SUCLG2: variants seen among roughly 807,000 people sequenced by gnomAD.
The protein encoded by SUCLG2 is succinate--CoA ligase [GDP-forming] subunit beta, mitochondrial.
SUCLG2 carries 42 observed loss-of-function variants against 47.9 expected under a neutral mutation model. That is an observed-to-expected ratio of 0.88 (90% confidence interval 0.69 to 1.14). The LOEUF (loss-of-function observed/expected upper bound fraction) is 1.14, where lower values mean the gene tolerates loss of function less well. SUCLG2 is among the 50% of genes most tolerant of loss of function. SUCLG2 has a pLI of 0.00. For missense variants in SUCLG2, 571 were observed against 525.9 expected (o/e 1.09, Z -0.84); for synonymous variants, 195 against 197.3 (o/e 0.99, Z 0.10).
At chr3:67,481,346 A>C (rs1361290642) in intron 9 of SUCLG2, among the ~76,000 whole-genome samples, 1 of 152,240 alleles carries the variant, frequency 6.6e-6, no homozygotes, top group African/African-American at 2.4e-5. Flanking sequence ...CACGTGGACC[A>C]GGACTTCTTG....
At chr3:67,378,937 A>G (rs560154661) in intron 10 of SUCLG2, among the ~76,000 whole-genome samples, 1 of 152,218 alleles carries the variant, frequency 6.6e-6, no homozygotes, top group African/African-American at 2.4e-5. Context: ...CAGAAGGTAA[A>G]TGACAGTTAC....
At position 67,374,858 on chromosome 3, in the gene SUCLG2, C is replaced by T. The variant is rs1194366425; in HGVS notation, c.*886G>A. ...AAAAAAACACATTCAAATAAGGTTC[C>T]CATCTTTCTACCATAAACTGGTAGA... On this transcript the variant is annotated 3_prime_UTR_variant, in exon 11 of 11. Transcript: ENST00000307227. 4 of 985,114 alleles carry T rather than the reference C, an allele frequency of 4.1e-6. No homozygotes were observed. The highest frequency in any genetic ancestry group is 1.1e-4 in the East Asian group (1 of 8,804). 61.0% of individuals were successfully genotyped at this position (985,114 alleles called of 1,614,324 possible).
intron 10 of SUCLG2, among the ~76,000 whole-genome samples, 170 bp downstream of exon 10, chr3:67,400,561 C>T (rs908420115): frequency 6.6e-6 from 1 of 151,864 alleles, no homozygotes; most frequent in Non-Finnish European, 1.5e-5. Context: ...AGCTAAAAGC[C>T]ACATTAGTTT....
rs942113931 is a variant in SUCLG2, at chr3:67,400,788, T to A, written c.1126A>T (p.Ile376Phe). The change falls in exon 10 of 11, where the codon ATC (isoleucine) becomes TTC (phenylalanine). Residue 376 changes from isoleucine to phenylalanine, a missense_variant. Ile to Phe is a conservative substitution (Grantham distance 21). Coordinates refer to ENST00000307227, the MANE Select transcript of SUCLG2 (RefSeq NM_003848.4). ...TCTAGCTCCCGGCAGGCTTTGGTGA[T>A]CCCATTGGCAATGATGGCACAGTTG... ...IVNCAIIANG[I>F]TKACRELELK... is the part of the protein sequence containing the mutation. 6.2e-7 allele frequency: 1 copy of A among 1,612,296 alleles called. No individual in the cohort carries two copies. The highest frequency in any genetic ancestry group is 1.1e-5 in the South Asian group (1 of 90,936).
At chr3:67,499,720 G>GTTTATTTATTTATTTA (rs561344998) in intron 7 of SUCLG2, among the ~76,000 whole-genome samples, 88 of 150,856 alleles carry the variant, frequency 5.8e-4, no homozygotes, top group African/African-American at 2.1e-3. Flanking sequence ...TTGTTTGTTT[G>GTTTATTTATTTATTTA]TTTATTTATT....
intron 2 of SUCLG2, among the ~76,000 whole-genome samples, chr3:67,565,726 G>A (rs1225389466): frequency 6.6e-6 from 1 of 152,164 alleles, no homozygotes; most frequent in African/African-American, 2.4e-5. Context: ...CTCCTCAGGT[G>A]CAGGAACAAT....
In SUCLG2 at chr3:67,402,614, A is replaced by G. The variant is rs985760066; in HGVS notation, c.1063-1763T>C. ...TGTAGGATGGAGAGGAACTTGCCAG[A>G]ACAATAGAAGAAAAACATTCAAGAG... On this transcript the variant is annotated intron_variant, in intron 9 of 10. Coordinates refer to ENST00000307227, the MANE Select transcript of SUCLG2 (RefSeq NM_003848.4). Among the ~76,000 whole-genome samples the G allele has an allele frequency of 9.8e-5, 15 of 152,326 alleles. No individual in the cohort carries two copies. In the East Asian group the frequency reaches 2.9e-3, roughly 29 times the overall value.
At chr3:67,589,208 G>A (rs538645205) in intron 2 of SUCLG2, among the ~76,000 whole-genome samples, 24 of 152,154 alleles carry the variant, frequency 1.6e-4, no homozygotes, top group Non-Finnish European at 2.4e-4. Flanking sequence ...AGACTTCTCC[G>A]ACCCTTGGTC....
chr3:67,376,494 AG>A (rs1490794668), intron 10 of SUCLG2: 2 of 984,574 alleles, frequency 2.0e-6, no homozygotes, highest in African/African-American at 3.5e-5. Flanking sequence ...GCCATTTTAG[AG>A]TGAACAACTC....
At chr3:67,645,406 T>C (rs1320868442) in intron 1 of SUCLG2, among the ~76,000 whole-genome samples, 2 of 152,126 alleles carry the variant, frequency 1.3e-5, no homozygotes, top group Non-Finnish European at 2.9e-5. Flanking sequence ...GTCACAAGCC[T>C]TCTGCCTCCA....
intron 2 of SUCLG2, among the ~76,000 whole-genome samples, chr3:67,575,521 G>A (rs1237161220): frequency 6.6e-6 from 1 of 152,144 alleles, no homozygotes; most frequent in South Asian, 2.1e-4. Flanking sequence ...TGGGGCTGGG[G>A]GTGAGAATGG....
At chr3:67,360,532 A>C in exon 11 of SUCLG2, 1 of 1,242,366 alleles carries the variant, frequency 8.0e-7, no homozygotes, top group Non-Finnish European at 1.1e-6. Context: ...CATTTCCATT[A>C]GCATGCAGCT....
At chr3:67,432,214 G>A (rs78818203) in intron 9 of SUCLG2, among the ~76,000 whole-genome samples, 2,367 of 152,260 alleles carry the variant, frequency 0.016, 62 homozygotes, top group African/African-American at 0.054. Context: ...CAGCAACAGT[G>A]GGTTGCTAGG....
intron 9 of SUCLG2, among the ~76,000 whole-genome samples, chr3:67,480,209 C>G (rs1430938612): frequency 2.0e-5 from 3 of 152,044 alleles, no homozygotes; most frequent in Admixed American, 2.0e-4. Context: ...AAAATCAACT[C>G]TAATTTAAGG....
intron 6 of SUCLG2, among the ~76,000 whole-genome samples, chr3:67,509,388 AAACAGG>A (rs1450180665): frequency 6.6e-6 from 1 of 152,236 alleles, no homozygotes; most frequent in Non-Finnish European, 1.5e-5. Context: ...AATTGTTGCA[AAACAGG>A]AAGATGAAAG....
intron 9 of SUCLG2, among the ~76,000 whole-genome samples, chr3:67,404,918 A>T (rs1702767393): frequency 6.6e-6 from 1 of 151,918 alleles, no homozygotes; most frequent in African/African-American, 2.4e-5. Context: ...TTCCATGATG[A>T]TACCAACAGC....
intron 10 of SUCLG2, among the ~76,000 whole-genome samples, chr3:67,386,534 C>T (rs1477425399): frequency 2.0e-5 from 3 of 152,172 alleles, no homozygotes; most frequent in Non-Finnish European, 2.9e-5. Flanking sequence ...CTCAAAGTTC[C>T]ACATGGCTGA....
chr3:67,377,817 CTATTTTTTG>C (rs1205348981), intron 10 of SUCLG2, among the ~76,000 whole-genome samples: 8 of 152,272 alleles, frequency 5.3e-5, no homozygotes, highest in South Asian at 2.1e-4. Flanking sequence ...CCACGCCCAG[CTATTTTTTG>C]TATTTTTTGT....
At chr3:67,380,284 A>G (rs1216995687) in intron 10 of SUCLG2, among the ~76,000 whole-genome samples, 1 of 151,888 alleles carries the variant, frequency 6.6e-6, no homozygotes, top group Non-Finnish European at 1.5e-5. Flanking sequence ...GAGGACTCCA[A>G]GCTGTTACCA....
Sources: allele counts gnomAD v4.1 joint callset (sites outside exome capture counted in the v4.1 genomes callset), GRCh38; gene constraint gnomAD v4.1.1; transcripts MANE v1.5; gene names NCBI Gene and HGNC (gene_info 2026-07-23, HGNC 2026-07-21).